LRMDA: variants seen among roughly 807,000 people sequenced by gnomAD.
LRMDA encodes leucine rich melanocyte differentiation associated.
In LRMDA, 18 loss-of-function variants were observed where a neutral mutation model predicts 29.8. The observed-to-expected ratio is 0.60, with a 90% CI of 0.42 to 0.90. The LOEUF (loss-of-function observed/expected upper bound fraction) is 0.90. LRMDA is among the 40% of genes least tolerant of loss of function. LRMDA has a pLI of 0.00. For missense variants in LRMDA, 273 were observed against 273.9 expected (o/e 1.00, Z 0.02); for synonymous variants, 125 against 109.4 (o/e 1.14, Z -0.89).
intron 2 of LRMDA, among the ~76,000 whole-genome samples, chr10:75,750,263 C>T (rs1294521692): frequency 6.6e-6 from 1 of 151,170 alleles, no homozygotes; most frequent in African/African-American, 2.4e-5. Context: ...GGCTGCCCAC[C>T]TCCCTCCCCG....
intron 6 of LRMDA, among the ~76,000 whole-genome samples, chr10:76,502,351 T>G (rs1040772749): frequency 3.3e-5 from 5 of 152,148 alleles, no homozygotes; most frequent in Admixed American, 3.3e-4. Flanking sequence ...GAGCTCTTTT[T>G]TTGTTTCATA....
chr10:75,512,830 G>T (rs1184644573), intron 2 of LRMDA, among the ~76,000 whole-genome samples: 1 of 152,170 alleles, frequency 6.6e-6, no homozygotes, highest in Non-Finnish European at 1.5e-5. Context: ...AAGTATACCT[G>T]TGTGGACATG....
intron 2 of LRMDA, among the ~76,000 whole-genome samples, chr10:75,721,595 T>C (rs1441001602): frequency 3.3e-5 from 5 of 152,326 alleles, no homozygotes; most frequent in African/African-American, 1.2e-4. Context: ...AACCTGGATC[T>C]TTAGAATGCA....
intron 2 of LRMDA, among the ~76,000 whole-genome samples, chr10:75,635,828 G>C (rs886433524): frequency 6.6e-6 from 1 of 151,094 alleles, no homozygotes; most frequent in Non-Finnish European, 1.5e-5. Flanking sequence ...CTGCATTCCT[G>C]TATTTTCTAA....
chr10:76,381,318 T>G (rs1443157665), intron 6 of LRMDA, among the ~76,000 whole-genome samples: 2 of 152,162 alleles, frequency 1.3e-5, no homozygotes, highest in African/African-American at 4.8e-5. Context: ...ATGTAATTTA[T>G]TTGATATTTG....
chr10:75,700,949 A>G (rs1257054169), intron 2 of LRMDA, among the ~76,000 whole-genome samples: 1 of 152,252 alleles, frequency 6.6e-6, no homozygotes, highest in Non-Finnish European at 1.5e-5. Context: ...TATGCAAATC[A>G]TCTGTTTCAC....
Position 75,621,936 on chromosome 10 carries a change from G to T in LRMDA, c.131+183442G>T, listed in dbSNP as rs78872652. 2.4e-4 allele frequency among the ~76,000 whole-genome samples: 37 copies of T among 152,242 alleles called. 1 individual carries two copies. The South Asian group carries it at 5.2e-3, about 21-fold the overall frequency. ...GATTGAGTGTTACTTGCTGATTTTC[G>T]ACTCTCTCTGCCTCTCACCACTATA... On this transcript the variant is annotated intron_variant, in intron 2 of 6. Coordinates refer to ENST00000611255, the MANE Select transcript of LRMDA (RefSeq NM_001305581.2).
At position 76,040,397 on chromosome 10, in the gene LRMDA, T is replaced by C. The variant is rs1171812971; in HGVS notation, c.258+4263T>C. ...CTTTTTCCACCAGCCCTTTTTCTCATTGTGTTCAGCCCTCGTGTTGATATC... is the reference window on the plus strand; with the variant it reads ...CTTTTTCCACCAGCCCTTTTTCTCACTGTGTTCAGCCCTCGTGTTGATATC... On this transcript the variant is annotated intron_variant, in intron 3 of 6. Coordinates refer to ENST00000611255, the MANE Select transcript of LRMDA (RefSeq NM_001305581.2). Among the ~76,000 whole-genome samples the C allele has an allele frequency of 2.0e-5, 3 of 152,210 alleles. No individual in the cohort carries two copies. The East Asian group carries it at 5.8e-4, about 29-fold the overall frequency.
At chr10:75,986,364 C>T (rs1055630425) in intron 2 of LRMDA, among the ~76,000 whole-genome samples, 8 of 152,124 alleles carry the variant, frequency 5.3e-5, no homozygotes, top group Non-Finnish European at 7.4e-5. Context: ...TTAGGTGTTT[C>T]GTGGGAAAAC....
chr10:76,480,497 G>A (rs1411975301), intron 6 of LRMDA, among the ~76,000 whole-genome samples: 5 of 151,930 alleles, frequency 3.3e-5, no homozygotes, highest in African/African-American at 1.2e-4. Context: ...TTGAAACTGA[G>A]GTTAAGATAG....
At chr10:75,531,555 G>C (rs1036860464) in intron 2 of LRMDA, among the ~76,000 whole-genome samples, 1 of 152,192 alleles carries the variant, frequency 6.6e-6, no homozygotes, top group Non-Finnish European at 1.5e-5. Context: ...TGACTGGTTT[G>C]TTTTGTACAA....
At chr10:76,404,010 G>A (rs1907342) in intron 6 of LRMDA, among the ~76,000 whole-genome samples, 95,545 of 151,876 alleles carry the variant, frequency 0.63, 34,402 homozygotes, top group Non-Finnish European at 0.84. Flanking sequence ...AAGAGGCTCA[G>A]TTCCTTTCCC....
chr10:75,955,556 T>G (rs1418434440), intron 2 of LRMDA, among the ~76,000 whole-genome samples: 2 of 152,244 alleles, frequency 1.3e-5, no homozygotes, highest in Admixed American at 6.5e-5. Flanking sequence ...TCATGGCATC[T>G]TTACCATTAC....
intron 5 of LRMDA, among the ~76,000 whole-genome samples, chr10:76,085,817 C>T (rs1046785287): frequency 6.6e-6 from 1 of 152,116 alleles, no homozygotes; most frequent in Non-Finnish European, 1.5e-5. Context: ...ATCCTGGCTT[C>T]CTCCCCGCTC....
chr10:75,903,315 C>A (rs894508916), intron 2 of LRMDA, among the ~76,000 whole-genome samples: 10 of 152,150 alleles, frequency 6.6e-5, no homozygotes, highest in Admixed American at 5.9e-4. Flanking sequence ...TCCTGGGTGT[C>A]GGGAAGCACA....
At chr10:75,709,616 G>A (rs1310583313) in intron 2 of LRMDA, among the ~76,000 whole-genome samples, 1 of 152,104 alleles carries the variant, frequency 6.6e-6, no homozygotes, top group African/African-American at 2.4e-5. Flanking sequence ...ATGATATTTG[G>A]GAAGCCAAGG....
chr10:75,558,573 C>T, intron 2 of LRMDA, among the ~76,000 whole-genome samples: 2 of 150,732 alleles, frequency 1.3e-5, no homozygotes, highest in Non-Finnish European at 3.0e-5. Context: ...GGTACATGTG[C>T]ACAATGTGCA....
chr10:76,556,648 C>T (rs1415937461), intron 6 of LRMDA, among the ~76,000 whole-genome samples: 11 of 152,230 alleles, frequency 7.2e-5, no homozygotes, highest in Middle Eastern at 3.4e-3. Context: ...CCACCACGCC[C>T]GGCCATTCAT....
rs186086273 is a variant in LRMDA at position 75,643,141 on chromosome 10, T to A, written c.131+204647T>A. On this transcript the variant is annotated intron_variant, in intron 2 of 6. Transcript: ENST00000611255. ...GACAATTTCTCTTAACACTTTTTTT[T>A]AAACTTTGTTAAAACTGATTTCACT... 3.8e-4 allele frequency: 58 copies of A among 152,288 alleles called. No homozygotes were observed. In the East Asian group the frequency reaches 0.011, roughly 28 times the overall value. 9.4% of individuals were successfully genotyped at this position (152,288 alleles called of 1,614,324 possible). A position where few individuals can be genotyped will look rare whatever the true frequency, so the allele number is the denominator to read the frequency against.
Sources: gnomAD v4.1 joint callset for allele counts (sites outside exome capture counted in the v4.1 genomes callset) on GRCh38, gnomAD v4.1.1 for gene constraint, MANE v1.5 for transcripts, NCBI Gene and HGNC (gene_info 2026-07-23, HGNC 2026-07-21) for gene names.